Variants in VPS26C observed in about 807,000 individuals in gnomAD.
The protein encoded by VPS26C is VPS26 endosomal protein sorting factor C.
In VPS26C, 19 loss-of-function variants were observed where a neutral mutation model predicts 30.6. The observed-to-expected ratio is 0.62, with a 90% confidence interval of 0.43 to 0.91. VPS26C has a LOEUF of 0.91. VPS26C is among the 40% of genes least tolerant of loss of function. The pLI is 0.00. For synonymous variants in VPS26C, 132 were observed against 151.5 expected, an observed-to-expected ratio of 0.87 and a Z score of 0.95; for missense variants, 318 against 385.1, an observed-to-expected ratio of 0.83 and a Z score of 1.46.
At chr21:37,238,422 C>T in intron 3 of VPS26C, 38 bp downstream of exon 3, 3 of 1,594,972 alleles carry the variant, frequency 1.9e-6, no homozygotes, top group Non-Finnish European at 2.6e-6. Context: ...CAGAAGAAAA[C>T]TTGTGAAGTC....
chr21:37,236,565 A>AT (rs374391706), intron 3 of VPS26C, among the ~76,000 whole-genome samples: 8 of 152,228 alleles, frequency 5.3e-5, no homozygotes, highest in African/African-American at 1.9e-4. Context: ...GCAATGAGGT[A>AT]TTTTGAGATG....
At chr21:37,250,538 A>G (rs879399498) in intron 1 of VPS26C, among the ~76,000 whole-genome samples, 1 of 152,212 alleles carries the variant, frequency 6.6e-6, no homozygotes, top group Non-Finnish European at 1.5e-5. Flanking sequence ...AAACTAGGTA[A>G]AATACCTACA....
At chr21:37,228,169 G>A in intron 6 of VPS26C, 54 bp downstream of exon 6, 5 of 1,586,964 alleles carry the variant, frequency 3.2e-6, no homozygotes, top group Non-Finnish European at 4.3e-6. Flanking sequence ...TGGAACGTGA[G>A]GGTGGCAGTC....
intron 1 of VPS26C, among the ~76,000 whole-genome samples, chr21:37,243,390 G>T (rs1186982615): frequency 1.3e-5 from 2 of 152,128 alleles, no homozygotes; most frequent in Non-Finnish European, 2.9e-5. Flanking sequence ...CGTAGCTTCT[G>T]TCTCATCATG....
intron 6 of VPS26C, 133 bp from the exon 7 acceptor site, chr21:37,227,939 G>A (rs985092421): frequency 6.6e-6 from 8 of 1,216,522 alleles, no homozygotes; most frequent in South Asian, 1.4e-5. Context: ...TTAGACACGC[G>A]GCTACTGCTA....
intron 1 of VPS26C, among the ~76,000 whole-genome samples, chr21:37,242,990 A>G (rs946849550): frequency 3.7e-4 from 56 of 152,200 alleles, no homozygotes; most frequent in African/African-American, 1.3e-3. Flanking sequence ...TTCAACTCCT[A>G]CCAATGAAAG....
Position 37,240,647 on chromosome 21 carries a change from A to G in VPS26C, c.58-8T>C, listed in dbSNP as rs765094878. 1.5e-5 allele frequency: 24 copies of G among 1,609,722 alleles called. No individual in the cohort carries two copies. Among genetic ancestry groups the G allele is most frequent in the Non-Finnish European group, 2.0e-5 (23 of 1,178,588 alleles). ...CACGCCAGAGAGCACTTCCTGGGAGAGAAAAGACAGCCACCAATCAAATTA... is the reference window on the plus strand; with the variant it reads ...CACGCCAGAGAGCACTTCCTGGGAGGGAAAAGACAGCCACCAATCAAATTA... On this transcript the variant is annotated splice_polypyrimidine_tract_variant and splice_region_variant and intron_variant, in intron 1 of 7. Coordinates refer to ENST00000309117, the MANE Select transcript of VPS26C (RefSeq NM_006052.2).
At chr21:37,242,669 A>C (rs1664075495) in intron 1 of VPS26C, among the ~76,000 whole-genome samples, 1 of 152,240 alleles carries the variant, frequency 6.6e-6, no homozygotes, top group Non-Finnish European at 1.5e-5. Flanking sequence ...AATGAGACAA[A>C]ATAATTTGTG....
chr21:37,243,753 A>G (rs2086110760), intron 1 of VPS26C, among the ~76,000 whole-genome samples: 1 of 152,144 alleles, frequency 6.6e-6, no homozygotes, highest in Non-Finnish European at 1.5e-5. Context: ...CCTAGAGCTT[A>G]ACAATGGAGA....
intron 6 of VPS26C, 80 bp from the exon 7 acceptor site, chr21:37,227,886 G>C: frequency 6.4e-7 from 1 of 1,563,066 alleles, no homozygotes; most frequent in Non-Finnish European, 8.7e-7. Flanking sequence ...CCACCCACCA[G>C]TCTGCTCCAA....
chr21:37,234,480 G>A (rs1450439158), intron 3 of VPS26C, among the ~76,000 whole-genome samples: 1 of 152,146 alleles, frequency 6.6e-6, no homozygotes, highest in Non-Finnish European at 1.5e-5. Context: ...TTTGAACGGA[G>A]ACTGTTGCTT....
chr21:37,240,112 A>C (rs1426216768), intron 2 of VPS26C, among the ~76,000 whole-genome samples: 1 of 152,128 alleles, frequency 6.6e-6, no homozygotes, highest in East Asian at 1.9e-4. Context: ...AGCAAGTGAA[A>C]CCCACCATAA....
At position 37,227,733 on chromosome 21, in the gene VPS26C, C is replaced by A. The variant is rs1214032007; in HGVS notation, c.732G>T (p.Arg244Ser). 6.2e-7 allele frequency: 1 copy of A among 1,614,202 alleles called. No individual in the cohort carries two copies. ...NIQIADGDVC[R>S]GLSVPIYMVF... ...CCATGTAGATGGGGACAGAGAGGCC[C>A]CTGCACACATCCCCGTCGGCGATCT... The change falls in exon 7 of 8, where the codon AGG (arginine) becomes AGT (serine). Residue 244 changes from arginine to serine, a missense_variant. Coordinates refer to ENST00000309117, the MANE Select transcript of VPS26C (RefSeq NM_006052.2).
chr21:37,225,680 C>A, intron 7 of VPS26C, 54 bp from the exon 8 acceptor site: 1 of 1,441,350 alleles, frequency 6.9e-7, no homozygotes, highest in South Asian at 1.2e-5. Context: ...GCAGCGAAAC[C>A]ACACGCCGCC....
At chr21:37,265,747 A>C (rs2086352108) in intron 1 of VPS26C, among the ~76,000 whole-genome samples, 1 of 152,056 alleles carries the variant, frequency 6.6e-6, no homozygotes. Context: ...CATTTTTGGC[A>C]GGAATACTAC....
chr21:37,256,880 TG>T (rs1315833343), intron 1 of VPS26C, among the ~76,000 whole-genome samples: 1 of 152,172 alleles, frequency 6.6e-6, no homozygotes, highest in Non-Finnish European at 1.5e-5. Flanking sequence ...AATATGGAGT[TG>T]GGCATGGTGG....
rs1406979637 is a variant in VPS26C, at chr21:37,238,333, T to C, written c.351+127A>G. The C allele has an allele frequency of 5.7e-6, 6 of 1,061,378 alleles. No individual in the cohort carries two copies. The East Asian group carries it at 1.5e-4, about 27-fold the overall frequency. 65.7% of individuals were successfully genotyped at this position (1,061,378 alleles called of 1,614,324 possible). A position where few individuals can be genotyped will look rare whatever the true frequency, so the allele number is the denominator to read the frequency against. On this transcript the variant is annotated intron_variant, in intron 3 of 7. Transcript: ENST00000309117. ...ATGAGAAATTAACGTCGAATATACA[T>C]GCGAGGTCTCAGCAATAAACACAGT... is the stretch of plus-strand genomic sequence containing the variant.
chr21:37,261,539 G>A (rs940732321), intron 1 of VPS26C: 1 of 151,630 alleles, frequency 6.6e-6, no homozygotes, highest in Admixed American at 6.6e-5. Flanking sequence ...AATTCTGCTT[G>A]TAAGAAAGTT....
At chr21:37,248,149 A>G (rs1302860555) in intron 1 of VPS26C, among the ~76,000 whole-genome samples, 4 of 152,202 alleles carry the variant, frequency 2.6e-5, no homozygotes, top group Non-Finnish European at 5.9e-5. Context: ...GATCATGACC[A>G]ATAGAGTAGA....
Sources: allele counts gnomAD v4.1 joint callset (sites outside exome capture counted in the v4.1 genomes callset), GRCh38; gene constraint gnomAD v4.1.1; transcripts MANE v1.5; gene names NCBI Gene and HGNC (gene_info 2026-07-23, HGNC 2026-07-21).